GMIP: variants seen among roughly 807,000 people sequenced by gnomAD.
The protein encoded by GMIP is GEM-interacting protein.
A neutral mutation model predicts 105.3 loss-of-function variants in GMIP; 54 were observed. The ratio of observed to expected loss-of-function variants is 0.51; its 90% confidence interval spans 0.41 to 0.64. The LOEUF is 0.64. Among genes scored for constraint, GMIP ranks in the 30% least tolerant of loss-of-function variants. The pLI, the probability that GMIP is intolerant of heterozygous loss-of-function variation, is 0.00. For missense variants in GMIP, 1,110 were observed against 1,319.4 expected (o/e 0.84, Z 2.46); for synonymous variants, 541 against 560.8 (o/e 0.96, Z 0.50).
intron 19 of GMIP, among the ~76,000 whole-genome samples, chr19:19,632,301 T>C (rs1335075289): frequency 1.4e-5 from 2 of 138,484 alleles, no homozygotes; most frequent in East Asian, 4.5e-4. Context: ...TCTAAAAAAA[T>C]AAAGGATTCC....
At position 19,640,564 on chromosome 19, in the gene GMIP, T is replaced by C. The variant is rs2061908401; in HGVS notation, c.246A>G (p.Glu82=). 1.2e-6 allele frequency: 2 copies of C among 1,613,942 alleles called. No individual in the cohort carries two copies. The highest frequency in any genetic ancestry group is 1.7e-6 in the Non-Finnish European group (2 of 1,179,960). ...TTGTCCGAATGAGCCGCAAGTCCAG[T>C]TCCTCCCCTGGGGAAGATGGATGGA... The part of the protein sequence containing the change: ...PEGPVPLTGE[E]LDLRLIRTKG... The change falls in exon 5 of 21, where the codon GAA becomes GAG. Residue 82 remains glutamate, a synonymous_variant. Transcript: ENST00000203556.
chr19:19,639,613 C>T (rs1420413732), intron 7 of GMIP, among the ~76,000 whole-genome samples: 2 of 152,126 alleles, frequency 1.3e-5, no homozygotes, highest in Admixed American at 6.5e-5. Flanking sequence ...CTTTGGGAAG[C>T]TGAGGTAGGT....
In GMIP at chr19:19,634,734, T is replaced by A. The variant is rs762849844; in HGVS notation, c.1888-31A>T. 3 of 1,608,490 alleles carry A rather than the reference T, an allele frequency of 1.9e-6. No individual in the cohort carries two copies. Among genetic ancestry groups the A allele is most frequent in the East Asian group, 4.5e-5 (2 of 44,740 alleles). On this transcript the variant is annotated intron_variant, in intron 17 of 20. Transcript: ENST00000203556. The surrounding 1 kb of genome is among the most constrained non-coding windows in gnomAD (Gnocchi z 6.1). ...GGTGGAACGGAGGGCGCAACACGAG[T>A]GTGGGTGGGCTGTGGAGGGCTCCTG... is the stretch of plus-strand genomic sequence containing the variant.
Position 19,634,439 on chromosome 19 carries a change from C to T in GMIP, c.2084+68G>A. Reference sequence around the variant, plus strand: ...TCAGAGGTCAGTGTCAGGGGTCAGCCAGGGAAGTTAGTAGTCGCATGTCCA... The same window carrying T: ...TCAGAGGTCAGTGTCAGGGGTCAGCTAGGGAAGTTAGTAGTCGCATGTCCA... On this transcript the variant is annotated intron_variant, in intron 18 of 20. Transcript: ENST00000203556. This position sits in a 1 kb window ranked among gnomAD's most constrained non-coding sequence, Gnocchi z 6.1. 7.4e-7 allele frequency: 1 copy of T among 1,344,812 alleles called. No individual in the cohort carries two copies. The highest frequency in any genetic ancestry group is 1.0e-6 in the Non-Finnish European group (1 of 957,542). 83.3% of individuals were successfully genotyped at this position (1,344,812 alleles called of 1,614,324 possible).
At chr19:19,632,884 C>T (rs2061810497) in intron 19 of GMIP, among the ~76,000 whole-genome samples, 1 of 152,116 alleles carries the variant, frequency 6.6e-6, no homozygotes, top group South Asian at 2.1e-4. Flanking sequence ...ACTGGCTGTT[C>T]CCTTTGCCTG....
rs2061867239 is a variant in GMIP, at chr19:19,637,465, C to T, written c.1024G>A (p.Gly342Ser). ...LAECCAPFEP[G>S]QRYQEFVRAL... is the part of the protein sequence containing the mutation. ...CGTACAAACTCCTGGTAGCGCTGGC[C>T]CGGCTCAAAGGGCGCACAGCACTCG... Residue 342 changes from glycine to serine, a missense_variant, in exon 11 of 21, where the codon GGC (glycine) becomes AGC (serine). This residue lies in a region of GMIP where 667 missense variants were observed against 773.2 expected (regional missense o/e 0.86). Transcript: ENST00000203556. This position sits in a 1 kb window ranked among gnomAD's most constrained non-coding sequence, Gnocchi z 6.7. 1 of 1,532,350 alleles carries T rather than the reference C, an allele frequency of 6.5e-7. No homozygotes were observed. The highest frequency in any genetic ancestry group is 8.8e-7 in the Non-Finnish European group (1 of 1,141,328). The allele number at this position is 1,532,350 out of a possible 1,614,324, so 94.9% of individuals were successfully genotyped here.
Position 19,637,961 on chromosome 19 carries a change from C to G in GMIP, c.886G>C (p.Val296Leu), listed in dbSNP as rs778295475. ...TCCCCCTGAAACACCAGCTTGCGCACGTGCGACACGATTCGCTGCTTGGCG... is the reference window on the plus strand; with the variant it reads ...TCCCCCTGAAACACCAGCTTGCGCAGGTGCGACACGATTCGCTGCTTGGCG... The part of the protein sequence containing the change: ...EIAKQRIVSH[V>L]RKLVFQGDEV... Residue 296 changes from valine to leucine, a missense_variant, in exon 10 of 21, where the codon GTG becomes CTG. By Grantham distance (32) the Val-to-Leu change is conservative (BLOSUM62 1). Transcript: ENST00000203556. The surrounding 1 kb of genome is among the most constrained non-coding windows in gnomAD (Gnocchi z 6.7). 6.2e-7 allele frequency: 1 copy of G among 1,610,744 alleles called. No homozygotes were observed. Among genetic ancestry groups the G allele is most frequent in the Non-Finnish European group, 8.5e-7 (1 of 1,179,164 alleles).
Position 19,640,359 on chromosome 19 carries a change from C to A in GMIP, c.366G>T (p.Glu122Asp). Residue 122 changes from glutamate (E) to aspartate (D), a missense_variant and splice_region_variant, in exon 6 of 21, where the codon GAG becomes GAT. Coordinates refer to ENST00000203556, the MANE Select transcript of GMIP (RefSeq NM_016573.4). ...TCATGGTGCTCTTAGCAAACTCCAG[C>A]TCTGGGGGAAGAGAGAGCCGGGCTC... is the stretch of plus-strand genomic sequence containing the variant. ...LAWTEKRASYELEFAKSTMKI... is the reference protein window; with the variant it reads ...LAWTEKRASYDLEFAKSTMKI... 6.2e-7 allele frequency: 1 copy of A among 1,614,034 alleles called. No individual in the cohort carries two copies. Among genetic ancestry groups the A allele is most frequent in the Non-Finnish European group, 8.5e-7 (1 of 1,180,024 alleles).
At chr19:19,642,645 G>A in intron 1 of GMIP, 26 bp from the exon 2 acceptor site, 4 of 1,267,172 alleles carry the variant, frequency 3.2e-6, no homozygotes, top group Non-Finnish European at 4.6e-6. Flanking sequence ...GTAATACATG[G>A]GCTAACCACT....
Position 19,643,547 on chromosome 19 carries a change from G to T in GMIP, c.-18C>A. ...GCGTCCATATCTGGGCCCGGGGATC[G>T]CTCTGCAGGGACCGGGATGGGGATG... On this transcript the variant is annotated 5_prime_UTR_variant, in exon 1 of 21. Transcript: ENST00000203556. 1 of 1,542,200 alleles carries T rather than the reference G, an allele frequency of 6.5e-7. No homozygotes were observed. Among genetic ancestry groups the T allele is most frequent in the Non-Finnish European group, 8.8e-7 (1 of 1,142,490 alleles).
chr19:19,643,048 T>G, intron 1 of GMIP: 2 of 204,938 alleles, frequency 9.8e-6, no homozygotes, highest in Non-Finnish European at 2.0e-5. Flanking sequence ...ACACTCCACA[T>G]ACACAACACA....
At chr19:19,640,251 G>A (rs367878986) in intron 6 of GMIP, 45 bp downstream of exon 6, 46 of 1,586,100 alleles carry the variant, frequency 2.9e-5, no homozygotes, top group Non-Finnish European at 3.6e-5. Flanking sequence ...CAAAGGTGGG[G>A]TTCTAGGGGG....
rs750585501 is a variant in GMIP, at chr19:19,637,065, G to A, written c.1125-36C>T. 1.4e-6 allele frequency: 2 copies of A among 1,424,384 alleles called. 1 individual carries two copies. The highest frequency in any genetic ancestry group is 2.5e-5 in the South Asian group (2 of 81,268). 88.2% of individuals were successfully genotyped at this position (1,424,384 alleles called of 1,614,324 possible). ...AGAAGTTTGAAGGTTTGAATCCCAG[G>A]AAACTGGCCTGGGGTGATGGCACCC... On this transcript the variant is annotated intron_variant, in intron 11 of 20. Transcript: ENST00000203556. This position sits in a 1 kb window ranked among gnomAD's most constrained non-coding sequence, Gnocchi z 6.7.
At chr19:19,633,323 G>A (rs922064984) in intron 19 of GMIP, among the ~76,000 whole-genome samples, 2 of 152,172 alleles carry the variant, frequency 1.3e-5, no homozygotes, top group Non-Finnish European at 2.9e-5. Context: ...ATCCCAAAGT[G>A]CTGGGATTAC....
In GMIP at chr19:19,640,321, G is replaced by C; in HGVS notation, c.404C>G (p.Ala135Gly). The C allele has an allele frequency of 6.2e-7, 1 of 1,614,008 alleles. No individual in the cohort carries two copies. The highest frequency in any genetic ancestry group is 1.3e-5 in the African/African-American group (1 of 75,002). Residue 135 changes from alanine (A) to glycine (G), a missense_variant, in exon 6 of 21, where the codon GCT becomes GGT. This residue lies in a region of GMIP where 667 missense variants were observed against 773.2 expected (regional missense o/e 0.86). Coordinates refer to ENST00000203556, the MANE Select transcript of GMIP (RefSeq NM_016573.4). ...FAKSTMKIAE[A>G]GKVSIQQQSH... ...CTGCTGTTGAATGGACACCTTGCCA[G>C]CTTCAGCGATCTTCATGGTGCTCTT...
chr19:19,636,790 G>A lies in GMIP; in HGVS notation c.1244C>T (p.Pro415Leu). 1 of 1,610,724 alleles carries A rather than the reference G, an allele frequency of 6.2e-7. No homozygotes were observed. The highest frequency in any genetic ancestry group is 8.5e-7 in the Non-Finnish European group (1 of 1,178,162). ...PGTGWRWQGT[P>L]GPTPGSDVDS... ...CACATCGCTGCCCGGAGTGGGGCCTGGAGTCCCTAGGTGGCACAGGTCAAT... is the reference window on the plus strand; with the variant it reads ...CACATCGCTGCCCGGAGTGGGGCCTAGAGTCCCTAGGTGGCACAGGTCAAT... The change falls in exon 13 of 21, where the codon CCA (proline) becomes CTA (leucine). Residue 415 changes from proline to leucine, a missense_variant. This residue lies in a region of GMIP where 667 missense variants were observed against 773.2 expected (regional missense o/e 0.86). Transcript: ENST00000203556.
intron 7 of GMIP, 35 bp from the exon 8 acceptor site, chr19:19,638,517 C>T: frequency 2.5e-6 from 4 of 1,578,850 alleles, no homozygotes; most frequent in Non-Finnish European, 3.5e-6. Flanking sequence ...GGAGACGCTG[C>T]CTTAGGGCCA....
intron 7 of GMIP, 33 bp downstream of exon 7, chr19:19,640,052 G>A: frequency 8.1e-7 from 1 of 1,234,414 alleles, no homozygotes. Flanking sequence ...ATAGCAGGGT[G>A]ACCTCTGTAA....
Position 19,635,076 on chromosome 19 carries a change from A to C in GMIP, c.1698T>G (p.Phe566Leu). Residue 566 changes from phenylalanine (F) to leucine (L), a missense_variant, in exon 16 of 21, where the codon TTT (phenylalanine) becomes TTG (leucine). Physicochemically the swap from Phe to Leu is conservative, Grantham distance 22. This residue lies in a region of GMIP where 667 missense variants were observed against 773.2 expected (regional missense o/e 0.86). Transcript: ENST00000203556. This position sits in a 1 kb window ranked among gnomAD's most constrained non-coding sequence, Gnocchi z 4.7. ...LPRDFPEEVPFVVTKCTAEIE... is the reference protein window; with the variant it reads ...LPRDFPEEVPLVVTKCTAEIE... The stretch of plus-strand genomic sequence containing the variant: ...TCTCAGCCGTGCACTTCGTGACCAC[A>C]AAGGGTACCTCCTCCGGGAAGTCCC... 1 of 1,614,068 alleles carries C rather than the reference A, an allele frequency of 6.2e-7. No homozygotes were observed. The highest frequency in any genetic ancestry group is 1.3e-5 in the African/African-American group (1 of 75,038).
Sources: allele counts gnomAD v4.1 joint callset (sites outside exome capture counted in the v4.1 genomes callset), GRCh38; gene constraint gnomAD v4.1.1; regional missense constraint gnomAD v4.1.1; non-coding constraint Gnocchi (gnomAD v3.1); transcripts MANE v1.5; gene names NCBI Gene and HGNC (gene_info 2026-07-23, HGNC 2026-07-21).